SLC1A2: variants seen among roughly 807,000 people sequenced by gnomAD.
SLC1A2 encodes excitatory amino acid transporter 2.
Under a neutral mutation model 48.8 loss-of-function variants are expected in SLC1A2, and 15 were observed. The observed-to-expected ratio is 0.31, with a 90% confidence interval of 0.21 to 0.47. The LOEUF (loss-of-function observed/expected upper bound fraction) is 0.47, where lower values mean the gene tolerates loss of function less well. SLC1A2 is among the 20% of genes least tolerant of loss of function. SLC1A2 has a pLI of 0.99. For synonymous variants in SLC1A2, 279 were observed against 272.6 expected, an observed-to-expected ratio of 1.02 and a Z score of -0.23; for missense variants, 502 against 730.5, an observed-to-expected ratio of 0.69 and a Z score of 3.61.
At chr11:35,381,890 T>TA (rs2135206132) in intron 1 of SLC1A2, among the ~76,000 whole-genome samples, 1 of 152,340 alleles carries the variant, frequency 6.6e-6, no homozygotes, top group African/African-American at 2.4e-5. Flanking sequence ...ACTGATCTCT[T>TA]ATCACATAGT....
chr11:35,396,736 ACATGAAGTCCTTGCC>A (rs1484157620), intron 1 of SLC1A2, among the ~76,000 whole-genome samples: 1 of 151,960 alleles, frequency 6.6e-6, no homozygotes, highest in African/African-American at 2.4e-5. Flanking sequence ...GGTGTTTTGG[ACATGAAGTCCTTGCC>A]CATGCCTATG....
intron 9 of SLC1A2, among the ~76,000 whole-genome samples, chr11:35,277,852 T>C (rs566150166): frequency 9.7e-4 from 148 of 152,360 alleles, no homozygotes; most frequent in African/African-American, 3.3e-3. Context: ...TACTATTTGC[T>C]CTGTCTCTAG....
At chr11:35,383,719 T>C (rs1179837554) in intron 1 of SLC1A2, among the ~76,000 whole-genome samples, 2 of 152,250 alleles carry the variant, frequency 1.3e-5, no homozygotes, top group Admixed American at 1.3e-4. Context: ...CATTATGGAA[T>C]GAACCACCCA....
intron 1 of SLC1A2, among the ~76,000 whole-genome samples, chr11:35,333,787 G>A (rs1590197651): frequency 2.7e-5 from 4 of 150,414 alleles, no homozygotes; most frequent in African/African-American, 7.3e-5. Context: ...TCAGCCTCCC[G>A]AGTAGCTGGG....
intron 1 of SLC1A2, among the ~76,000 whole-genome samples, chr11:35,360,870 T>A (rs1853656253): frequency 6.6e-6 from 1 of 152,062 alleles, no homozygotes; most frequent in African/African-American, 2.4e-5. Context: ...ATTTTGTTTA[T>A]TTATTTATTA....
At chr11:35,341,762 T>G (rs1008895862) in intron 1 of SLC1A2, among the ~76,000 whole-genome samples, 9 of 152,316 alleles carry the variant, frequency 5.9e-5, no homozygotes, top group Admixed American at 4.6e-4. Context: ...CCAAAATGTT[T>G]TTCTTAACAT....
At chr11:35,402,819 G>A (rs1855174902) in intron 1 of SLC1A2, among the ~76,000 whole-genome samples, 3 of 152,134 alleles carry the variant, frequency 2.0e-5, no homozygotes, top group Non-Finnish European at 4.4e-5. Context: ...TAGAAGTGTT[G>A]GAAGTAAAAA....
chr11:35,327,363 A>C (rs945287792), intron 1 of SLC1A2, among the ~76,000 whole-genome samples: 2 of 151,824 alleles, frequency 1.3e-5, no homozygotes, highest in Non-Finnish European at 2.9e-5. Flanking sequence ...TTCCCAGCAA[A>C]AGAACAGGTA....
chr11:35,271,441 CTT>C (rs960197908), intron 9 of SLC1A2, among the ~76,000 whole-genome samples: 2 of 152,136 alleles, frequency 1.3e-5, no homozygotes, highest in African/African-American at 4.8e-5. Flanking sequence ...GGTCAACCAA[CTT>C]TTAATGAATG....
At chr11:35,301,680 T>A (rs1279599863) in intron 5 of SLC1A2, 35 bp from the exon 6 acceptor site, 3 of 1,602,290 alleles carry the variant, frequency 1.9e-6, no homozygotes, top group Admixed American at 1.7e-5. Context: ...GAAGGACAAA[T>A]TACAAAAAAT....
intron 7 of SLC1A2, 96 bp from the exon 8 acceptor site, chr11:35,287,047 T>C (rs1850844471): frequency 3.1e-6 from 3 of 967,754 alleles, no homozygotes; most frequent in Non-Finnish European, 3.2e-6. Flanking sequence ...TTAGTTTTTC[T>C]TGTTTTGTGT....
At chr11:35,271,261 G>A (rs1850272017) in intron 9 of SLC1A2, among the ~76,000 whole-genome samples, 1 of 152,178 alleles carries the variant, frequency 6.6e-6, no homozygotes, top group Non-Finnish European at 1.5e-5. Context: ...ATGAGCAGAT[G>A]CCCCACAGAT....
chr11:35,382,936 C>T (rs535941868), intron 1 of SLC1A2, among the ~76,000 whole-genome samples: 12 of 152,214 alleles, frequency 7.9e-5, no homozygotes, highest in Middle Eastern at 6.8e-3. Context: ...AAAACTGATC[C>T]TGCTTTTCCT....
chr11:35,388,788 C>T (rs906804199), intron 1 of SLC1A2, among the ~76,000 whole-genome samples: 2 of 152,180 alleles, frequency 1.3e-5, no homozygotes, highest in East Asian at 3.9e-4. Context: ...GCAGGATACA[C>T]CTTCGGATGC....
chr11:35,290,426 A>C (rs754334891), intron 7 of SLC1A2, among the ~76,000 whole-genome samples: 7 of 152,186 alleles, frequency 4.6e-5, no homozygotes, highest in Non-Finnish European at 8.8e-5. Context: ...TACGTTGACC[A>C]GTAAAAAAAT....
intron 6 of SLC1A2, among the ~76,000 whole-genome samples, chr11:35,300,552 T>C (rs917844121): frequency 1.2e-4 from 18 of 152,238 alleles, no homozygotes; most frequent in African/African-American, 4.1e-4. Context: ...CTACGAGGAA[T>C]AGGCCCTCCA....
chr11:35,406,470 A>C (rs1037352815), intron 1 of SLC1A2, among the ~76,000 whole-genome samples: 1 of 152,108 alleles, frequency 6.6e-6, no homozygotes, highest in African/African-American at 2.4e-5. Flanking sequence ...AATATTATTC[A>C]AGCTGAGGAC....
At chr11:35,286,704 G>T in intron 8 of SLC1A2, 53 bp downstream of exon 8, 1 of 1,367,938 alleles carries the variant, frequency 7.3e-7, no homozygotes, top group Non-Finnish European at 1.0e-6. Flanking sequence ...TGGAGTTAGT[G>T]TGGAGGGGAA....
intron 1 of SLC1A2, among the ~76,000 whole-genome samples, chr11:35,360,856 A>G (rs957964486): frequency 5.3e-5 from 8 of 151,934 alleles, no homozygotes; most frequent in African/African-American, 1.7e-4. Context: ...ATGTTCCTGC[A>G]TTTATTTTGT....
Sources: allele counts gnomAD v4.1 joint callset (sites outside exome capture counted in the v4.1 genomes callset), GRCh38; gene constraint gnomAD v4.1.1; transcripts MANE v1.5; gene names NCBI Gene and HGNC (gene_info 2026-07-23, HGNC 2026-07-21).